NOL4: variants seen among roughly 807,000 people sequenced by gnomAD.
The protein encoded by NOL4 is nucleolar protein 4, also known as cancer/testis antigen 125.
A neutral mutation model predicts 75.9 loss-of-function variants in NOL4; 17 were observed. The ratio of observed to expected loss-of-function variants is 0.22; its 90% CI spans 0.15 to 0.34. The LOEUF is 0.34. NOL4 is among the 10% of genes least tolerant of loss of function. The probability of loss-of-function intolerance (pLI) is 1.00; values close to 1 mark genes in which losing one functional copy is unlikely to be tolerated. For missense variants in NOL4, 614 were observed against 793.5 expected (o/e 0.77, Z 2.72); for synonymous variants, 292 against 289.9 (o/e 1.01, Z -0.07).
At chr18:33,943,383 A>G (rs2145577002) in intron 8 of NOL4, among the ~76,000 whole-genome samples, 1 of 152,040 alleles carries the variant, frequency 6.6e-6, no homozygotes, top group Non-Finnish European at 1.5e-5. Context: ...TATCGTTGCT[A>G]CACAGATCCA....
intron 1 of NOL4, among the ~76,000 whole-genome samples, chr18:34,218,370 T>C (rs920045365): frequency 3.9e-5 from 6 of 152,144 alleles, no homozygotes; most frequent in African/African-American, 9.7e-5. Context: ...TGGCTACTAA[T>C]AGGACAAGGA....
chr18:34,192,518 G>T (rs549650530), intron 1 of NOL4, among the ~76,000 whole-genome samples: 2 of 152,244 alleles, frequency 1.3e-5, no homozygotes, highest in African/African-American at 4.8e-5. Flanking sequence ...CAGACACACA[G>T]ACCAACAGAG....
At chr18:34,023,044 C>T (rs748260894) in intron 5 of NOL4, among the ~76,000 whole-genome samples, 7 of 151,968 alleles carry the variant, frequency 4.6e-5, no homozygotes, top group Non-Finnish European at 7.4e-5. Flanking sequence ...AATTCAACAG[C>T]GTTACATATT....
intron 5 of NOL4, among the ~76,000 whole-genome samples, chr18:34,060,674 G>A (rs906037578): frequency 1.3e-5 from 2 of 152,108 alleles, no homozygotes; most frequent in African/African-American, 4.8e-5. Flanking sequence ...AGTAACAGTG[G>A]ATGCTCAATA....
At chr18:34,074,769 A>G (rs2077674247) in intron 5 of NOL4, among the ~76,000 whole-genome samples, 1 of 152,086 alleles carries the variant, frequency 6.6e-6, no homozygotes, top group African/African-American at 2.4e-5. Context: ...TCTTAAGAGA[A>G]TAAAGTAGTA....
At chr18:33,983,592 A>T (rs2072170143) in intron 6 of NOL4, among the ~76,000 whole-genome samples, 1 of 149,104 alleles carries the variant, frequency 6.7e-6, no homozygotes, top group Admixed American at 6.7e-5. Flanking sequence ...TATAAATAGG[A>T]GGTGCATACA....
intron 1 of NOL4, among the ~76,000 whole-genome samples, chr18:34,163,043 C>T (rs2031763580): frequency 1.3e-5 from 2 of 152,174 alleles, no homozygotes; most frequent in South Asian, 4.1e-4. Flanking sequence ...TTCAACAACC[C>T]TTCATGCTAA....
At chr18:34,027,273 TGGGTTGGAGAATA>T (rs892208040) in intron 5 of NOL4, among the ~76,000 whole-genome samples, 1 of 152,120 alleles carries the variant, frequency 6.6e-6, no homozygotes, top group African/African-American at 2.4e-5. Flanking sequence ...AGCTCTCATG[TGGGTTGGAGAATA>T]GGTATTTGGT....
intron 3 of NOL4, 53 bp downstream of exon 3, chr18:34,104,996 T>C: frequency 9.3e-7 from 1 of 1,069,942 alleles, no homozygotes; most frequent in Non-Finnish European, 1.4e-6. Flanking sequence ...GAGATACAAA[T>C]GGCCATTATG....
intron 6 of NOL4, among the ~76,000 whole-genome samples, chr18:33,969,702 T>C (rs970261878): frequency 1.3e-4 from 19 of 151,942 alleles, no homozygotes; most frequent in African/African-American, 4.6e-4. Context: ...CTTAATCAAT[T>C]TTGGACAAAT....
chr18:33,876,546 G>C (rs2063940678), intron 10 of NOL4, among the ~76,000 whole-genome samples: 1 of 152,002 alleles, frequency 6.6e-6, no homozygotes, highest in Non-Finnish European at 1.5e-5. Flanking sequence ...CTAATCTTCT[G>C]TTATGTCCTT....
At chr18:33,861,528 T>A (rs150495085) in intron 10 of NOL4, among the ~76,000 whole-genome samples, 2 of 152,032 alleles carry the variant, frequency 1.3e-5, no homozygotes, top group African/African-American at 4.8e-5. Flanking sequence ...TCTCTCTTTT[T>A]TTCTTTATTA....
At chr18:34,204,710 C>A (rs113853938) in intron 1 of NOL4, among the ~76,000 whole-genome samples, 95 of 152,108 alleles carry the variant, frequency 6.2e-4, no homozygotes, top group African/African-American at 2.2e-3. Flanking sequence ...TTTCCATTAT[C>A]TTTAGTCAGA....
At chr18:33,886,812 GATATATCTATATACAT>G (rs1568009313) in intron 9 of NOL4, among the ~76,000 whole-genome samples, 1 of 134,542 alleles carries the variant, frequency 7.4e-6, no homozygotes. Context: ...TACGTATATA[GATATATCTATATACAT>G]ATATATCTAT....
intron 8 of NOL4, among the ~76,000 whole-genome samples, chr18:33,947,836 G>A (rs1224871465): frequency 6.6e-6 from 1 of 151,880 alleles, no homozygotes; most frequent in Admixed American, 6.6e-5. Flanking sequence ...TCATTAAACA[G>A]ATGGCTAAAC....
At chr18:34,121,906 T>C (rs929573329) in intron 2 of NOL4, among the ~76,000 whole-genome samples, 6 of 152,120 alleles carry the variant, frequency 3.9e-5, no homozygotes, top group African/African-American at 1.4e-4. Context: ...AGGCCTGGAG[T>C]ACTTGGGACA....
intron 1 of NOL4, among the ~76,000 whole-genome samples, chr18:34,149,846 C>T (rs1257398961): frequency 6.6e-6 from 1 of 151,630 alleles, no homozygotes; most frequent in Non-Finnish European, 1.5e-5. Flanking sequence ...AGAATTGTCC[C>T]TGGTATATAG....
intron 10 of NOL4, among the ~76,000 whole-genome samples, chr18:33,869,873 G>T (rs147075992): frequency 3.0e-4 from 46 of 152,068 alleles, no homozygotes; most frequent in African/African-American, 1.0e-3. Context: ...CAAACATCCA[G>T]AGGTTTAAAA....
intron 4 of NOL4, among the ~76,000 whole-genome samples, chr18:34,098,413 G>C (rs2078891004): frequency 6.6e-6 from 1 of 152,068 alleles, no homozygotes; most frequent in African/African-American, 2.4e-5. Context: ...GAGCATAAAG[G>C]AGCATCAAGG....
Sources: gnomAD v4.1 joint callset for allele counts (sites outside exome capture counted in the v4.1 genomes callset) on GRCh38, gnomAD v4.1.1 for gene constraint, MANE v1.5 for transcripts, NCBI Gene and HGNC (gene_info 2026-07-23, HGNC 2026-07-21) for gene names.